Variants in ATP6V1H observed in about 807,000 individuals in gnomAD.
ATP6V1H encodes V-type proton ATPase subunit H.
Under a neutral mutation model 71.7 loss-of-function variants are expected in ATP6V1H, and 39 were observed. That is an observed-to-expected ratio of 0.54 (90% confidence interval 0.42 to 0.71). The LOEUF is 0.71. ATP6V1H is among the 30% of genes least tolerant of loss of function. The pLI is 0.00. For missense variants in ATP6V1H, 509 were observed against 594.9 expected (o/e 0.86, Z 1.50); for synonymous variants, 192 against 199.3 (o/e 0.96, Z 0.31).
rs534676879 is a variant in ATP6V1H, at chr8:53,838,160, C to G, written c.113+3418G>C. On this transcript the variant is annotated intron_variant, in intron 2 of 13. Transcript: ENST00000359530. ...TTTTTCTTTGAGTCAGAGTCTTGCT[C>G]TATTGCCCAGGCTGGAGTGCAGTGG... Among the ~76,000 whole-genome samples, 34 of 149,858 alleles carry G rather than the reference C, an allele frequency of 2.3e-4. 1 individual carries two copies. The highest frequency in any genetic ancestry group is 4.1e-4 in the Non-Finnish European group (28 of 67,738).
intron 8 of ATP6V1H, among the ~76,000 whole-genome samples, chr8:53,799,025 A>T (rs2130426989): frequency 6.6e-6 from 1 of 152,308 alleles, no homozygotes; most frequent in East Asian, 1.9e-4. Flanking sequence ...AAGCAATTAT[A>T]ACTATTTGTA....
chr8:53,783,593 G>C (rs575223621), intron 9 of ATP6V1H, among the ~76,000 whole-genome samples: 4 of 152,064 alleles, frequency 2.6e-5, no homozygotes, highest in Non-Finnish European at 4.4e-5. Context: ...GCTTTTCAAC[G>C]TGTTTGCTCT....
At chr8:53,732,081 T>C (rs1221725642) in intron 13 of ATP6V1H, among the ~76,000 whole-genome samples, 3 of 152,244 alleles carry the variant, frequency 2.0e-5, no homozygotes, top group African/African-American at 4.8e-5. Context: ...TGTGCCTTTA[T>C]TGGCACTTTG....
intron 4 of ATP6V1H, among the ~76,000 whole-genome samples, chr8:53,827,751 C>A (rs1810870306): frequency 6.6e-6 from 1 of 152,050 alleles, no homozygotes; most frequent in African/African-American, 2.4e-5. Context: ...TTCTGATCCT[C>A]TCTCTCCCCC....
chr8:53,722,303 G>A (rs1806650031), intron 13 of ATP6V1H, among the ~76,000 whole-genome samples: 1 of 152,174 alleles, frequency 6.6e-6, no homozygotes, highest in African/African-American at 2.4e-5. Context: ...ATTGGAGTTG[G>A]CAGCAAACAC....
intron 13 of ATP6V1H, among the ~76,000 whole-genome samples, chr8:53,719,681 T>C (rs1425388620): frequency 6.6e-6 from 1 of 152,174 alleles, no homozygotes; most frequent in African/African-American, 2.4e-5. Flanking sequence ...TGCCCACACA[T>C]TCTCCCCTCT....
At chr8:53,835,992 C>A (rs1301819741) in intron 2 of ATP6V1H, among the ~76,000 whole-genome samples, 1 of 152,170 alleles carries the variant, frequency 6.6e-6, no homozygotes, top group Admixed American at 6.5e-5. Flanking sequence ...CCTACAGGCG[C>A]AGAACTAAGA....
Position 53,841,677 on chromosome 8 carries a change from T to A in ATP6V1H, c.14A>T (p.Asp5Val). The A allele has an allele frequency of 6.2e-7, 1 of 1,613,738 alleles. No individual in the cohort carries two copies. The highest frequency in any genetic ancestry group is 8.5e-7 in the Non-Finnish European group (1 of 1,179,774). ...AGCAGCATCCACAGCACCTCGGATA[T>A]CCATTTTGGTCATCTAAACTTCGTA... MTKM[D>V]IRGAVDAAVP... The change falls in exon 2 of 14, where the codon GAT becomes GTT. Residue 5 changes from aspartate (D) to valine (V), a missense_variant. Asp to Val is a radical substitution (Grantham distance 152, BLOSUM62 -3). Around this residue, in one of 2 missense-constraint regions of ATP6V1H, gnomAD observed 297 missense variants for 303.3 expected, o/e 0.98. Transcript: ENST00000359530.
Position 53,829,478 on chromosome 8 carries a change from T to C in ATP6V1H, c.272A>G (p.Gln91Arg), listed in dbSNP as rs747511576. Residue 91 changes from glutamine (Q) to arginine (R), a missense_variant, in exon 4 of 14, where the codon CAG (glutamine) becomes CGG (arginine). Physicochemically the swap from Gln to Arg is conservative, Grantham distance 43. Coordinates refer to ENST00000359530, the MANE Select transcript of ATP6V1H (RefSeq NM_015941.4). ...ATCATCCACCATAGTTAGTATATAC[T>C]GAACGGTCTGTTCTTTGCAGATATG... The part of the protein sequence containing the change: ...MTHICKEQTV[Q>R]YILTMVDDML... 7.5e-6 allele frequency: 12 copies of C among 1,605,492 alleles called. No individual in the cohort carries two copies. In the Admixed American group the frequency reaches 1.9e-4, roughly 25 times the overall value.
At chr8:53,808,811 A>G (rs1810178202) in intron 7 of ATP6V1H, among the ~76,000 whole-genome samples, 1 of 152,112 alleles carries the variant, frequency 6.6e-6, no homozygotes, top group African/African-American at 2.4e-5. Flanking sequence ...AAAAAAAAAA[A>G]AAACAAAATG....
intron 13 of ATP6V1H, among the ~76,000 whole-genome samples, chr8:53,732,734 A>G (rs1307592421): frequency 6.6e-6 from 1 of 151,770 alleles, no homozygotes; most frequent in African/African-American, 2.4e-5. Flanking sequence ...AAGAAATCCC[A>G]GAAACAACAA....
chr8:53,736,003 C>T (rs1295706662), intron 13 of ATP6V1H, among the ~76,000 whole-genome samples: 2 of 152,176 alleles, frequency 1.3e-5, no homozygotes, highest in African/African-American at 2.4e-5. Flanking sequence ...CTGCTCTAGT[C>T]ACACACCAGA....
chr8:53,768,020 T>C (rs748314070), intron 11 of ATP6V1H, among the ~76,000 whole-genome samples: 6 of 152,080 alleles, frequency 3.9e-5, no homozygotes, highest in Non-Finnish European at 7.4e-5. Flanking sequence ...TGAGACAAAA[T>C]ATTTGCAAAT....
intron 8 of ATP6V1H, among the ~76,000 whole-genome samples, chr8:53,797,602 T>C (rs921890065): frequency 6.6e-6 from 1 of 152,218 alleles, no homozygotes; most frequent in Non-Finnish European, 1.5e-5. Flanking sequence ...TTCCAGTCTC[T>C]TACCATTGCC....
In ATP6V1H at chr8:53,760,774, G is replaced by T. The variant is rs1206934191; in HGVS notation, c.1176-4118C>A. On this transcript the variant is annotated intron_variant, in intron 11 of 13. Transcript: ENST00000359530. Reference sequence around the variant, plus strand: ...AAAACTGAGTTTCAGGCTATGATGGGAAGAGGGATCAGAAAAAACTCATAA... The same window carrying T: ...AAAACTGAGTTTCAGGCTATGATGGTAAGAGGGATCAGAAAAAACTCATAA... Among the ~76,000 whole-genome samples, 4 of 152,230 alleles carry T rather than the reference G, an allele frequency of 2.6e-5. No individual in the cohort carries two copies. In the East Asian group the frequency reaches 7.7e-4, roughly 29 times the overall value.
intron 4 of ATP6V1H, among the ~76,000 whole-genome samples, chr8:53,828,037 C>CTT (rs1810878343): frequency 6.6e-6 from 1 of 152,158 alleles, no homozygotes; most frequent in Admixed American, 6.5e-5. Context: ...GATTCCATGT[C>CTT]TTTGCTAATG....
intron 4 of ATP6V1H, among the ~76,000 whole-genome samples, chr8:53,822,680 G>C (rs1291857954): frequency 6.6e-6 from 1 of 151,798 alleles, no homozygotes; most frequent in Admixed American, 6.6e-5. Context: ...TCATAAATGT[G>C]GATGGTTTAA....
intron 13 of ATP6V1H, among the ~76,000 whole-genome samples, chr8:53,721,280 A>T (rs1396731740): frequency 6.6e-6 from 1 of 152,328 alleles, no homozygotes; most frequent in East Asian, 1.9e-4. Flanking sequence ...AACTGAAAAA[A>T]AACAAATTTT....
intron 11 of ATP6V1H, among the ~76,000 whole-genome samples, chr8:53,767,530 T>C (rs572205694): frequency 1.3e-5 from 2 of 152,112 alleles, no homozygotes; most frequent in Non-Finnish European, 2.9e-5. Context: ...TCTTTTTTTT[T>C]ATAAAAAGAA....
Sources: gnomAD v4.1 joint callset for allele counts (sites outside exome capture counted in the v4.1 genomes callset) on GRCh38, gnomAD v4.1.1 for gene constraint, gnomAD v4.1.1 regional missense constraint, MANE v1.5 for transcripts, NCBI Gene and HGNC (gene_info 2026-07-23, HGNC 2026-07-21) for gene names.